PARD3: variants seen among roughly 807,000 people sequenced by gnomAD.
PARD3 encodes the protein par-3 family cell polarity regulator, also known as partitioning defective 3 homolog.
PARD3 carries 75 observed loss-of-function variants against 155.4 expected under a neutral mutation model. The observed-to-expected ratio is 0.48, with a 90% CI of 0.40 to 0.58. The LOEUF is 0.58. PARD3 is among the 20% of genes least tolerant of loss of function. The pLI is 0.00. For missense variants in PARD3, 1,642 were observed against 1,721.7 expected (o/e 0.95, Z 0.82); for synonymous variants, 576 against 610.5 (o/e 0.94, Z 0.83).
intron 5 of PARD3, among the ~76,000 whole-genome samples, chr10:34,448,053 A>T (rs1358735569): frequency 6.6e-6 from 1 of 152,202 alleles, no homozygotes; most frequent in Admixed American, 6.5e-5. Context: ...ACAGAAGCAT[A>T]AATTCACAAT....
chr10:34,558,042 AC>A (rs955306447), intron 2 of PARD3, among the ~76,000 whole-genome samples: 2 of 152,034 alleles, frequency 1.3e-5, no homozygotes, highest in African/African-American at 2.4e-5. Context: ...TCAAAAGATG[AC>A]CACAACTTTG....
At chr10:34,664,349 T>C (rs1462701693) in intron 2 of PARD3, among the ~76,000 whole-genome samples, 1 of 152,066 alleles carries the variant, frequency 6.6e-6, no homozygotes, top group African/African-American at 2.4e-5. Flanking sequence ...ATTACAGGTG[T>C]GCACCCCCAG....
chr10:34,368,585 T>C (rs1840227984), intron 12 of PARD3, among the ~76,000 whole-genome samples: 1 of 151,766 alleles, frequency 6.6e-6, no homozygotes, highest in African/African-American at 2.4e-5. Flanking sequence ...GGCAGGAGAA[T>C]AGTGTGAACC....
At chr10:34,138,589 A>G (rs1948021925) in intron 22 of PARD3, among the ~76,000 whole-genome samples, 1 of 152,182 alleles carries the variant, frequency 6.6e-6, no homozygotes, top group Admixed American at 6.5e-5. Flanking sequence ...GGTCAAACAC[A>G]CAACTCACAA....
At position 34,119,730 on chromosome 10, in the gene PARD3, C is replaced by A; in HGVS notation, c.3551G>T (p.Arg1184Leu). 6.2e-7 allele frequency: 1 copy of A among 1,611,052 alleles called. No individual in the cohort carries two copies. The highest frequency in any genetic ancestry group is 8.5e-7 in the Non-Finnish European group (1 of 1,177,976). Residue 1184 changes from arginine to leucine, a missense_variant, in exon 24 of 25, where the codon CGG (arginine) becomes CTG (leucine). Coordinates refer to ENST00000374788, the MANE Select transcript of PARD3 (RefSeq NM_001184785.2). ...GTGTCGCCCGCTCTGCGTCGCCGGCCGTGCGTTCGGCTGGAAGAGGAAAAT... is the reference window on the plus strand; with the variant it reads ...GTGTCGCCCGCTCTGCGTCGCCGGCAGTGCGTTCGGCTGGAAGAGGAAAAT... ...YSFEQPWPNA[R>L]PATQSGRHSV... is the part of the protein sequence containing the mutation.
chr10:34,531,208 C>A (rs1295023217), intron 2 of PARD3, among the ~76,000 whole-genome samples: 1 of 152,160 alleles, frequency 6.6e-6, no homozygotes, highest in African/African-American at 2.4e-5. Flanking sequence ...TAATAAATAT[C>A]TTTTGCTGGC....
At chr10:34,686,529 A>G (rs1167397142) in intron 2 of PARD3, among the ~76,000 whole-genome samples, 1 of 151,842 alleles carries the variant, frequency 6.6e-6, no homozygotes, top group African/African-American at 2.4e-5. Flanking sequence ...TGAGATCAGG[A>G]GTTCGAGATC....
intron 2 of PARD3, among the ~76,000 whole-genome samples, chr10:34,561,017 G>T (rs1437444882): frequency 6.6e-6 from 1 of 152,154 alleles, no homozygotes; most frequent in Non-Finnish European, 1.5e-5. Flanking sequence ...AGAAATCCTG[G>T]TGGTAAAAAC....
chr10:34,456,146 G>T (rs1175172470), intron 4 of PARD3, among the ~76,000 whole-genome samples: 1 of 152,134 alleles, frequency 6.6e-6, no homozygotes, highest in Non-Finnish European at 1.5e-5. Context: ...ACCACATCGG[G>T]ATCATTAGTG....
At chr10:34,267,393 G>T (rs1955375403) in intron 22 of PARD3, among the ~76,000 whole-genome samples, 2 of 151,946 alleles carry the variant, frequency 1.3e-5, no homozygotes, top group African/African-American at 4.8e-5. Context: ...ACAGCAAAGG[G>T]GTCTAAATAA....
intron 2 of PARD3, among the ~76,000 whole-genome samples, chr10:34,576,340 A>C (rs964345199): frequency 2.6e-5 from 4 of 152,134 alleles, no homozygotes; most frequent in African/African-American, 9.7e-5. Flanking sequence ...TTGCTTGTGC[A>C]TTCTCTCATC....
At chr10:34,814,821 T>C in intron 1 of PARD3, 55 bp downstream of exon 1, 1 of 1,297,538 alleles carries the variant, frequency 7.7e-7, no homozygotes, top group Non-Finnish European at 1.1e-6. Context: ...GCCATATTGA[T>C]CCCGGCGCCG....
intron 20 of PARD3, among the ~76,000 whole-genome samples, chr10:34,301,302 G>A (rs190512273): frequency 4.6e-5 from 7 of 152,226 alleles, no homozygotes; most frequent in East Asian, 1.9e-4. Context: ...AAGACCAGGA[G>A]GACTTTCTGA....
At chr10:34,160,253 GA>G (rs1467443742) in intron 22 of PARD3, among the ~76,000 whole-genome samples, 1 of 152,164 alleles carries the variant, frequency 6.6e-6, no homozygotes, top group Non-Finnish European at 1.5e-5. Context: ...TAAATATAGG[GA>G]AAAACTTTGA....
At chr10:34,563,006 A>G (rs2085628233) in intron 2 of PARD3, among the ~76,000 whole-genome samples, 1 of 152,132 alleles carries the variant, frequency 6.6e-6, no homozygotes, top group African/African-American at 2.4e-5. Context: ...CCCGCCTTTA[A>G]GCAATTCTTC....
At chr10:34,212,021 C>CTT (rs34135178) in intron 22 of PARD3, among the ~76,000 whole-genome samples, 5 of 132,044 alleles carry the variant, frequency 3.8e-5, no homozygotes, top group Admixed American at 7.5e-5. Flanking sequence ...GAGTGCTCAA[C>CTT]TTTTTTTTTT....
intron 2 of PARD3, among the ~76,000 whole-genome samples, chr10:34,673,507 A>G (rs1189145570): frequency 1.3e-5 from 2 of 152,230 alleles, no homozygotes; most frequent in African/African-American, 2.4e-5. Context: ...ACAACACAAG[A>G]GTAACAAGAA....
chr10:34,814,700 G>A (rs990718955), intron 1 of PARD3, among the ~76,000 whole-genome samples, 176 bp downstream of exon 1: 7 of 151,768 alleles, frequency 4.6e-5, no homozygotes, highest in Admixed American at 3.3e-4. Flanking sequence ...CCCGGCCCGC[G>A]CAGAGAACTT....
In PARD3 at chr10:34,111,653, C is replaced by A. The variant is rs77508038; in HGVS notation, c.3669-91G>T. 5,810 of 1,028,354 alleles carry A rather than the reference C, an allele frequency of 5.6e-3. 26 individuals carry two copies. The highest frequency in any genetic ancestry group is 9.9e-3 in the South Asian group (615 of 61,914). 63.7% of individuals were successfully genotyped at this position (1,028,354 alleles called of 1,614,324 possible). On this transcript the variant is annotated intron_variant, in intron 24 of 24. Coordinates refer to ENST00000374788, the MANE Select transcript of PARD3 (RefSeq NM_001184785.2). Reference sequence around the variant, plus strand: ...CAGGATGGGATGGAATATGCATTTTCACTTTTCAACAAATATTCCTGTTCT... The same window carrying A: ...CAGGATGGGATGGAATATGCATTTTAACTTTTCAACAAATATTCCTGTTCT...
Sources: gnomAD v4.1 joint callset for allele counts (sites outside exome capture counted in the v4.1 genomes callset) on GRCh38, gnomAD v4.1.1 for gene constraint, MANE v1.5 for transcripts, NCBI Gene and HGNC (gene_info 2026-07-23, HGNC 2026-07-21) for gene names.